ADGRB3: variants seen among roughly 807,000 people sequenced by gnomAD.
The protein encoded by ADGRB3 is brain-specific angiogenesis inhibitor 3.
In ADGRB3, 37 loss-of-function variants were observed where a neutral mutation model predicts 193.4. The ratio of observed to expected loss-of-function variants is 0.19; its 90% CI spans 0.15 to 0.25. The LOEUF (loss-of-function observed/expected upper bound fraction) is 0.25. Among genes scored for constraint, ADGRB3 ranks in the 10% least tolerant of loss-of-function variants. The pLI is 1.00. For missense variants in ADGRB3, 1,637 were observed against 1,852.9 expected (o/e 0.88, Z 2.14); for synonymous variants, 690 against 644.2 (o/e 1.07, Z -1.08).
intron 8 of ADGRB3, among the ~76,000 whole-genome samples, chr6:68,972,066 A>G (rs1293711116): frequency 6.6e-6 from 1 of 152,170 alleles, no homozygotes; most frequent in East Asian, 1.9e-4. Flanking sequence ...CTTTGGGACC[A>G]GTGTGGGAAT....
At chr6:69,043,332 G>GAAAGAAAGAAAGAAAGGAAGGA (rs376899800) in intron 13 of ADGRB3, among the ~76,000 whole-genome samples, 1 of 133,754 alleles carries the variant, frequency 7.5e-6, no homozygotes, top group Non-Finnish European at 1.6e-5. Context: ...AAGAAAGAAA[G>GAAAGAAAGAAAGAAAGGAAGGA]AGAAAGAAAA....
chr6:68,644,449 G>T (rs568517289), intron 3 of ADGRB3, among the ~76,000 whole-genome samples: 1 of 151,972 alleles, frequency 6.6e-6, no homozygotes, highest in East Asian at 1.9e-4. Context: ...CTCTTTATTT[G>T]ACTTCATTTC....
intron 3 of ADGRB3, among the ~76,000 whole-genome samples, chr6:68,669,553 C>T (rs917200040): frequency 2.6e-5 from 4 of 151,392 alleles, no homozygotes; most frequent in Non-Finnish European, 5.9e-5. Context: ...GTCTCACCCA[C>T]GTTGTTGTAA....
intron 3 of ADGRB3, among the ~76,000 whole-genome samples, chr6:68,801,956 A>C (rs751605481): frequency 2.6e-5 from 4 of 152,224 alleles, no homozygotes; most frequent in Non-Finnish European, 4.4e-5. Flanking sequence ...GATTGAAAGC[A>C]CATAATATTG....
chr6:69,008,370 T>C (rs12194946), intron 11 of ADGRB3, among the ~76,000 whole-genome samples: 61,675 of 151,974 alleles, frequency 0.41, 13,175 homozygotes, highest in Middle Eastern at 0.46. Flanking sequence ...ACATTTCTGC[T>C]TAAGTATTTA....
chr6:68,746,399 CT>C (rs1448227175), intron 3 of ADGRB3, among the ~76,000 whole-genome samples: 3 of 151,948 alleles, frequency 2.0e-5, no homozygotes, highest in South Asian at 2.1e-4. Flanking sequence ...CACAAGAGCC[CT>C]TTCTATAACT....
At chr6:69,017,475 A>T (rs530178642) in intron 12 of ADGRB3, among the ~76,000 whole-genome samples, 1 of 152,092 alleles carries the variant, frequency 6.6e-6, no homozygotes, top group South Asian at 2.1e-4. Context: ...TATGGGTTAT[A>T]CACATGAAAA....
intron 20 of ADGRB3, among the ~76,000 whole-genome samples, chr6:69,289,119 C>A (rs902232288): frequency 6.6e-6 from 1 of 152,098 alleles, no homozygotes; most frequent in Non-Finnish European, 1.5e-5. Flanking sequence ...CTGAGAGCGT[C>A]CAGTTTTCTA....
intron 13 of ADGRB3, among the ~76,000 whole-genome samples, chr6:69,030,467 G>T (rs893202504): frequency 6.6e-6 from 1 of 152,142 alleles, no homozygotes; most frequent in African/African-American, 2.4e-5. Context: ...TCTTTGCAGG[G>T]ACATGGATGA....
intron 10 of ADGRB3, among the ~76,000 whole-genome samples, chr6:68,982,543 A>G (rs1051590109): frequency 2.0e-5 from 3 of 152,176 alleles, no homozygotes; most frequent in African/African-American, 7.2e-5. Flanking sequence ...TCCATGTTCT[A>G]GCTTTCTGCC....
chr6:69,250,831 C>T (rs902409642), intron 20 of ADGRB3, among the ~76,000 whole-genome samples: 6 of 152,148 alleles, frequency 3.9e-5, no homozygotes, highest in Admixed American at 2.6e-4. Flanking sequence ...TAAATCATAT[C>T]GTGATTTAAA....
chr6:68,793,324 A>C (rs17199089), intron 3 of ADGRB3, among the ~76,000 whole-genome samples: 2,120 of 152,174 alleles, frequency 0.014, 27 homozygotes, highest in Non-Finnish European at 0.021. Context: ...TTGTCCATGT[A>C]CTCAATGCTT....
intron 26 of ADGRB3, among the ~76,000 whole-genome samples, chr6:69,343,816 T>A (rs917946546): frequency 6.6e-6 from 1 of 152,186 alleles, no homozygotes; most frequent in Non-Finnish European, 1.5e-5. Flanking sequence ...GAAGCTAATA[T>A]GTTTAACAGC....
intron 3 of ADGRB3, among the ~76,000 whole-genome samples, chr6:68,671,618 G>T (rs772721943): frequency 6.6e-6 from 1 of 151,990 alleles, no homozygotes; most frequent in Non-Finnish European, 1.5e-5. Flanking sequence ...ACTTAGTCAT[G>T]ATGAATGCTC....
chr6:69,043,290 G>GAGAGAGAA, intron 13 of ADGRB3, among the ~76,000 whole-genome samples: 1 of 88,088 alleles, frequency 1.1e-5, no homozygotes, highest in East Asian at 2.8e-4. Flanking sequence ...GGAAGAAAGA[G>GAGAGAGAA]AGAAAGAAAG....
chr6:68,966,243 A>G (rs758862321), intron 8 of ADGRB3, among the ~76,000 whole-genome samples: 2 of 152,016 alleles, frequency 1.3e-5, no homozygotes, highest in Non-Finnish European at 2.9e-5. Flanking sequence ...ATGATTCTTC[A>G]TCCCTTCCCT....
intron 17 of ADGRB3, among the ~76,000 whole-genome samples, chr6:69,177,078 T>C (rs1031485564): frequency 2.0e-5 from 3 of 152,186 alleles, no homozygotes; most frequent in Non-Finnish European, 4.4e-5. Context: ...AGAACCATTT[T>C]TGGTTTTGTT....
chr6:69,388,359 A>G (rs1018130128), intron 31 of ADGRB3, among the ~76,000 whole-genome samples: 64 of 152,192 alleles, frequency 4.2e-4, no homozygotes, highest in African/African-American at 1.5e-3. Context: ...TCTACATTTA[A>G]TCTTAGTGGT....
intron 6 of ADGRB3, among the ~76,000 whole-genome samples, chr6:68,952,564 G>GTGCA (rs1293449638): frequency 6.6e-6 from 1 of 151,692 alleles, no homozygotes; most frequent in Admixed American, 6.6e-5. Flanking sequence ...CTTCATAATA[G>GTGCA]TGCAATTACA....
Sources: gnomAD v4.1 joint callset for allele counts (sites outside exome capture counted in the v4.1 genomes callset) on GRCh38, gnomAD v4.1.1 for gene constraint, MANE v1.5 for transcripts, NCBI Gene and HGNC (gene_info 2026-07-23, HGNC 2026-07-21) for gene names.